NINJ2: variants seen among roughly 807,000 people sequenced by gnomAD.
NINJ2 encodes ninjurin 2.
In NINJ2, 12 loss-of-function variants were observed where a neutral mutation model predicts 11.7. That is an observed-to-expected ratio of 1.02 (90% CI 0.66 to 1.66). The LOEUF (loss-of-function observed/expected upper bound fraction) is 1.66. NINJ2 is among the 40% of genes most tolerant of loss of function. NINJ2 has a pLI of 0.00. For synonymous variants in NINJ2, 93 were observed against 76.8 expected (o/e 1.21, Z -1.10); for missense variants, 187 against 181.8 (o/e 1.03, Z -0.16).
intron 1 of NINJ2, among the ~76,000 whole-genome samples, chr12:594,436 T>C (rs1447227002): frequency 6.6e-6 from 1 of 152,112 alleles, no homozygotes; most frequent in Admixed American, 6.5e-5. Flanking sequence ...TACATATAAA[T>C]CTAACAAAAT....
Position 603,252 on chromosome 12 carries a change from CCCTAAAATTTGATTATTTGTCTTTT to C in NINJ2, c.34-37099_34-37075del, listed in dbSNP as rs555100127. Among the ~76,000 whole-genome samples the C allele has an allele frequency of 3.6e-3, 548 of 152,180 alleles. 1 individual carries two copies. Among genetic ancestry groups the C allele is most frequent in the African/African-American group, 0.013 (520 of 41,534 alleles). On this transcript the variant is annotated intron_variant, in intron 1 of 3. Transcript: ENST00000305108. ...GAAAAATGTTTATTCAGCTCATTTG[CCCTAAAATTTGATTATTTGTCTTTT>C]TATTATAAAGTTGTAAGAGTGCTTT...
chr12:601,545 T>A (rs1261101916), intron 1 of NINJ2, among the ~76,000 whole-genome samples: 8 of 136,196 alleles, frequency 5.9e-5, no homozygotes, highest in Non-Finnish European at 1.1e-4. Context: ...CAAGACTCCG[T>A]CTCAAAAAAA....
chr12:616,874 G>A (rs1371843986), intron 1 of NINJ2, among the ~76,000 whole-genome samples: 1 of 152,162 alleles, frequency 6.6e-6, no homozygotes, highest in Non-Finnish European at 1.5e-5. Flanking sequence ...TGGCATCTCA[G>A]GCACTTGGAA....
At chr12:602,032 A>G (rs1243533691) in intron 1 of NINJ2, among the ~76,000 whole-genome samples, 1 of 152,164 alleles carries the variant, frequency 6.6e-6, no homozygotes, top group African/African-American at 2.4e-5. Flanking sequence ...ATAACTATTC[A>G]ATTAAGAACA....
chr12:615,165 A>G lies in NINJ2; in HGVS notation c.33+48163T>C, dbSNP rs76023624. On this transcript the variant is annotated intron_variant, in intron 1 of 3. Coordinates refer to ENST00000305108, the MANE Select transcript of NINJ2 (RefSeq NM_016533.6). Reference sequence around the variant, plus strand: ...TGAGTGACTCTCAAAGGAGATATGCACGCCCCATTAGGAAGCTACATCCAA... The same window carrying G: ...TGAGTGACTCTCAAAGGAGATATGCGCGCCCCATTAGGAAGCTACATCCAA... Among the ~76,000 whole-genome samples, 476 of 152,336 alleles carry G rather than the reference A, an allele frequency of 3.1e-3. 20 individuals carry two copies. The highest frequency in any genetic ancestry group is 0.026 in the East Asian group (135 of 5,190).
At chr12:652,017 GAAA>G (rs1442217213) in intron 1 of NINJ2, among the ~76,000 whole-genome samples, 2 of 151,918 alleles carry the variant, frequency 1.3e-5, no homozygotes, top group Non-Finnish European at 1.5e-5. Flanking sequence ...GAAAGGAACA[GAAA>G]AAATATTTGA....
Position 610,935 on chromosome 12 carries a change from A to G in NINJ2, c.34-44757T>C, listed in dbSNP as rs1948020629. 2.6e-5 allele frequency among the ~76,000 whole-genome samples: 4 copies of G among 152,116 alleles called. No individual in the cohort carries two copies. In the South Asian group the frequency reaches 8.3e-4, roughly 32 times the overall value. On this transcript the variant is annotated intron_variant, in intron 1 of 3. Coordinates refer to ENST00000305108, the MANE Select transcript of NINJ2 (RefSeq NM_016533.6). ...TTTTTAGTAGAGACGGGGTTTCACC[A>G]TGTTGGCCAGGCTGGTCTCAAACTC...
At chr12:639,726 C>T (rs146590100) in intron 1 of NINJ2, among the ~76,000 whole-genome samples, 121 of 152,216 alleles carry the variant, frequency 7.9e-4, no homozygotes, top group Non-Finnish European at 1.5e-3. Flanking sequence ...CATAGATCTC[C>T]CCAGCAAGTG....
At chr12:572,502 C>T (rs576806777) in intron 1 of NINJ2, among the ~76,000 whole-genome samples, 2 of 152,316 alleles carry the variant, frequency 1.3e-5, no homozygotes, top group African/African-American at 2.4e-5. Context: ...AAGAGTGATT[C>T]GTTCAAAGGA....
At chr12:649,868 CAT>C (rs1364763964) in intron 1 of NINJ2, among the ~76,000 whole-genome samples, 2 of 152,074 alleles carry the variant, frequency 1.3e-5, no homozygotes, top group Non-Finnish European at 2.9e-5. Flanking sequence ...TTTAACCTAA[CAT>C]ATGATTAGCA....
chr12:608,415 G>C (rs1238907574), intron 1 of NINJ2, among the ~76,000 whole-genome samples: 1 of 152,184 alleles, frequency 6.6e-6, no homozygotes, highest in South Asian at 2.1e-4. Context: ...ACTTTTCTAA[G>C]TACATATTTT....
intron 1 of NINJ2, among the ~76,000 whole-genome samples, chr12:572,121 G>A (rs901476259): frequency 6.6e-6 from 1 of 152,246 alleles, no homozygotes; most frequent in Non-Finnish European, 1.5e-5. Flanking sequence ...GAGGTCGAAG[G>A]GACTGGAACA....
intron 1 of NINJ2, among the ~76,000 whole-genome samples, chr12:573,711 C>G (rs1236824908): frequency 6.6e-6 from 1 of 152,206 alleles, no homozygotes; most frequent in Non-Finnish European, 1.5e-5. Context: ...GGAGGCATAA[C>G]CTCTACCTGA....
intron 1 of NINJ2, among the ~76,000 whole-genome samples, chr12:567,457 A>C (rs1465449161): frequency 6.6e-6 from 1 of 152,188 alleles, no homozygotes; most frequent in African/African-American, 2.4e-5. Flanking sequence ...TTTGTTTTGA[A>C]GTATAAAATA....
chr12:632,222 A>C (rs1948292963), intron 1 of NINJ2: 1 of 152,240 alleles, frequency 6.6e-6, no homozygotes, highest in South Asian at 2.1e-4. Flanking sequence ...AGTCCTAACC[A>C]GCCCCAGGGT....
chr12:650,624 G>T (rs551916642), intron 1 of NINJ2, among the ~76,000 whole-genome samples: 1 of 152,084 alleles, frequency 6.6e-6, no homozygotes, highest in Admixed American at 6.5e-5. Flanking sequence ...GCTTGAACCC[G>T]GGAGGCGGAG....
intron 1 of NINJ2, among the ~76,000 whole-genome samples, chr12:603,138 G>A (rs976286920): frequency 5.3e-5 from 8 of 152,116 alleles, no homozygotes; most frequent in African/African-American, 1.9e-4. Flanking sequence ...CACTGGGCCT[G>A]TTTGCGGTTT....
At chr12:616,981 G>A (rs1206729047) in intron 1 of NINJ2, among the ~76,000 whole-genome samples, 2 of 152,154 alleles carry the variant, frequency 1.3e-5, no homozygotes, top group African/African-American at 2.4e-5. Context: ...CAAGGTTGGC[G>A]GATCACCTGA....
rs555034919 is a variant in NINJ2 at position 627,546 on chromosome 12, AG to A, written c.33+35781del. On this transcript the variant is annotated intron_variant, in intron 1 of 3. Transcript: ENST00000305108. Reference sequence around the variant, plus strand: ...GGATTTAGATGGATAAAGTGAAGCAAGGAAAATTCTAATTATTGGAGCCTCG... The same window carrying A: ...GGATTTAGATGGATAAAGTGAAGCAAGAAAATTCTAATTATTGGAGCCTCG... Among the ~76,000 whole-genome samples, 67 of 152,334 alleles carry A rather than the reference AG, an allele frequency of 4.4e-4. No individual in the cohort carries two copies. The East Asian group carries it at 0.013, about 29-fold the overall frequency.
Sources: allele counts gnomAD v4.1 joint callset (sites outside exome capture counted in the v4.1 genomes callset), GRCh38; gene constraint gnomAD v4.1.1; transcripts MANE v1.5; gene names NCBI Gene and HGNC (gene_info 2026-07-23, HGNC 2026-07-21).